The following ZDHHC2 variants were observed in gnomAD, a reference collection of about 807,000 sequenced individuals.
ZDHHC2 encodes the protein palmitoyltransferase ZDHHC2.
Under a neutral mutation model 55.6 loss-of-function variants are expected in ZDHHC2, and 51 were observed. The ratio of observed to expected loss-of-function variants is 0.92; its 90% CI spans 0.73 to 1.16. The LOEUF (loss-of-function observed/expected upper bound fraction) is 1.16. ZDHHC2 is among the 50% of genes most tolerant of loss of function. The probability of loss-of-function intolerance (pLI) is 0.00; values close to 1 mark genes in which losing one functional copy is unlikely to be tolerated. For synonymous variants in ZDHHC2, 199 were observed against 152.9 expected, an observed-to-expected ratio of 1.30 and a Z score of -2.22; for missense variants, 491 against 442.4, an observed-to-expected ratio of 1.11 and a Z score of -0.99.
chr8:17,168,763 A>C (rs1005381059), intron 1 of ZDHHC2, among the ~76,000 whole-genome samples: 1 of 151,714 alleles, frequency 6.6e-6, no homozygotes, highest in Non-Finnish European at 1.5e-5. Context: ...TTTTGAATCT[A>C]GTTTATTTCA....
chr8:17,159,519 C>T (rs1804226252), intron 1 of ZDHHC2, among the ~76,000 whole-genome samples: 1 of 152,124 alleles, frequency 6.6e-6, no homozygotes, highest in Non-Finnish European at 1.5e-5. Context: ...TCCTGGTATC[C>T]TTGGAAACTG....
chr8:17,172,313 T>A (rs994184552), intron 1 of ZDHHC2, among the ~76,000 whole-genome samples: 3 of 152,210 alleles, frequency 2.0e-5, no homozygotes, highest in Non-Finnish European at 4.4e-5. Context: ...TATACGGACT[T>A]TTAATTCGTC....
chr8:17,204,594 T>C (rs1258913592), intron 6 of ZDHHC2, among the ~76,000 whole-genome samples: 1 of 151,668 alleles, frequency 6.6e-6, no homozygotes, highest in Non-Finnish European at 1.5e-5. Flanking sequence ...AGCCTATGAG[T>C]GGGAGCTAAA....
At chr8:17,191,338 C>G (rs1484241067) in intron 3 of ZDHHC2, among the ~76,000 whole-genome samples, 1 of 152,190 alleles carries the variant, frequency 6.6e-6, no homozygotes, top group Non-Finnish European at 1.5e-5. Context: ...CTCAAGTGAT[C>G]CACTCGCCTT....
Position 17,197,574 on chromosome 8 carries a change from G to C in ZDHHC2, c.374-8G>C. 1.9e-6 allele frequency: 3 copies of C among 1,612,186 alleles called. No homozygotes were observed. The highest frequency in any genetic ancestry group is 2.5e-6 in the Non-Finnish European group (3 of 1,178,976). ...ACTCTAAGACTAAGTGGAGCTTTTT[G>C]TCCCTAGCCATCCGATACTGTGACA... is the stretch of plus-strand genomic sequence containing the variant. On this transcript the variant is annotated splice_polypyrimidine_tract_variant and splice_region_variant and intron_variant, in intron 4 of 12. Transcript: ENST00000262096.
At chr8:17,160,014 T>G (rs1804256249) in intron 1 of ZDHHC2, among the ~76,000 whole-genome samples, 1 of 152,152 alleles carries the variant, frequency 6.6e-6, no homozygotes, top group Admixed American at 6.5e-5. Context: ...ACGGGGAACT[T>G]TAGGATGCAC....
At chr8:17,210,250 A>G (rs1037444837) in intron 9 of ZDHHC2, 138 bp from the exon 10 acceptor site, 14 of 1,035,006 alleles carry the variant, frequency 1.4e-5, no homozygotes, top group South Asian at 3.5e-5. Flanking sequence ...CCTGAACACT[A>G]TGTTGAGCTC....
At chr8:17,207,433 A>ATAATAATAATTAT (rs1807158282) in intron 7 of ZDHHC2, among the ~76,000 whole-genome samples, 1 of 152,144 alleles carries the variant, frequency 6.6e-6, no homozygotes, top group South Asian at 2.1e-4. Flanking sequence ...ATTATTTAAG[A>ATAATAATAATTAT]TAGCTTGAAG....
chr8:17,158,572 G>A (rs1165506223), intron 1 of ZDHHC2, among the ~76,000 whole-genome samples: 19 of 152,206 alleles, frequency 1.2e-4, no homozygotes, highest in Non-Finnish European at 1.5e-5. Flanking sequence ...GTAGACAGGT[G>A]ATGGGGAAGG....
At chr8:17,190,255 CA>C (rs539334473) in intron 3 of ZDHHC2, among the ~76,000 whole-genome samples, 86 of 132,236 alleles carry the variant, frequency 6.5e-4, no homozygotes, top group Admixed American at 8.7e-4. Flanking sequence ...CACTCCGTCT[CA>C]AAAAAAAAAA....
intron 1 of ZDHHC2, among the ~76,000 whole-genome samples, chr8:17,172,297 G>T (rs1804894761): frequency 6.6e-6 from 1 of 152,168 alleles, no homozygotes; most frequent in Non-Finnish European, 1.5e-5. Context: ...TTGGCCGCCG[G>T]CTAAATATAC....
At chr8:17,215,494 G>T (rs1238088625) in intron 11 of ZDHHC2, 145 bp downstream of exon 11, 1 of 737,770 alleles carries the variant, frequency 1.4e-6, no homozygotes, top group Non-Finnish European at 2.3e-6. Context: ...TATTTTCAAA[G>T]AACTATTTAT....
At chr8:17,218,760 T>C (rs1350509892) in intron 12 of ZDHHC2, among the ~76,000 whole-genome samples, 1 of 152,228 alleles carries the variant, frequency 6.6e-6, no homozygotes, top group East Asian at 1.9e-4. Context: ...GATTTTCTGA[T>C]GTCATGTTTT....
chr8:17,176,937 A>G (rs1402423028), intron 1 of ZDHHC2, among the ~76,000 whole-genome samples: 1 of 152,238 alleles, frequency 6.6e-6, no homozygotes, highest in Admixed American at 6.5e-5. Flanking sequence ...AAAGGGTACC[A>G]TTGCAATTAA....
intron 3 of ZDHHC2, among the ~76,000 whole-genome samples, chr8:17,193,873 C>T (rs1160513055): frequency 6.6e-6 from 1 of 152,136 alleles, no homozygotes; most frequent in Non-Finnish European, 1.5e-5. Context: ...CACCCATCAA[C>T]CCCATCATCT....
At chr8:17,196,307 T>C (rs1806304745) in intron 4 of ZDHHC2, among the ~76,000 whole-genome samples, 1 of 152,082 alleles carries the variant, frequency 6.6e-6, no homozygotes, top group African/African-American at 2.4e-5. Flanking sequence ...TGTTGAGCGC[T>C]TGAAGTATGG....
intron 8 of ZDHHC2, among the ~76,000 whole-genome samples, chr8:17,209,192 A>G (rs1807250586): frequency 1.3e-5 from 2 of 152,148 alleles, no homozygotes; most frequent in Non-Finnish European, 2.9e-5. Context: ...GCCTCTCTGA[A>G]CCAGCTTCGA....
Position 17,198,551 on chromosome 8 carries a change from A to G in ZDHHC2, c.476+138A>G, listed in dbSNP as rs888226084. ...CAGGAACTTTTGGATTTAGTTTCTA[A>G]TATTTGTTTAACTTAAAAGAGCCTT... On this transcript the variant is annotated intron_variant, in intron 6 of 12. Transcript: ENST00000262096. 3.9e-6 allele frequency: 3 copies of G among 765,936 alleles called. No homozygotes were observed. In the African/African-American group the frequency reaches 5.5e-5, roughly 14 times the overall value. 47.4% of individuals were successfully genotyped at this position (765,936 alleles called of 1,614,324 possible).
At chr8:17,204,679 G>T (rs1212503903) in intron 6 of ZDHHC2, among the ~76,000 whole-genome samples, 1 of 152,132 alleles carries the variant, frequency 6.6e-6, no homozygotes, top group Non-Finnish European at 1.5e-5. Context: ...GTGGGAGGAG[G>T]AAGAAGGCTA....
Sources: allele counts gnomAD v4.1 joint callset (sites outside exome capture counted in the v4.1 genomes callset), GRCh38; gene constraint gnomAD v4.1.1; transcripts MANE v1.5; gene names NCBI Gene and HGNC (gene_info 2026-07-23, HGNC 2026-07-21).